PUS1: variants seen among roughly 807,000 people sequenced by gnomAD.
The protein encoded by PUS1 is pseudouridine synthase 1.
A neutral mutation model predicts 38.5 loss-of-function variants in PUS1; 25 were observed. That is an observed-to-expected ratio of 0.65 (90% confidence interval 0.47 to 0.91). PUS1 has a LOEUF of 0.91. Ranked by LOEUF, PUS1 falls within the 40% of genes least tolerant of loss-of-function variation. The probability of loss-of-function intolerance (pLI) is 0.00; values close to 1 mark genes in which losing one functional copy is unlikely to be tolerated. For missense variants in PUS1, 597 were observed against 612.3 expected (o/e 0.97, Z 0.26); for synonymous variants, 282 against 260.4 (o/e 1.08, Z -0.80).
rs1215559539 is a variant in PUS1 at position 131,941,323 on chromosome 12, C to T, written c.576C>T (p.Ser192=). Residue 192 remains serine, a synonymous_variant, in exon 5 of 6, where the codon TCC becomes TCT. Coordinates refer to ENST00000376649, the MANE Select transcript of PUS1 (RefSeq NM_025215.6). This position sits in a 1 kb window ranked among gnomAD's most constrained non-coding sequence, Gnocchi z 4.4. The part of the protein sequence containing the change: ...GLKRVTGGFN[S]KNRCDARTYC... ...AGCGGGTCACGGGCGGGTTTAACTC[C>T]AAGAACAGATGTGATGCCAGGACCT... 2 of 1,614,174 alleles carry T rather than the reference C, an allele frequency of 1.2e-6. No homozygotes were observed. The highest frequency in any genetic ancestry group is 2.2e-5 in the South Asian group (2 of 91,080).
chr12:131,942,060 G>A, intron 5 of PUS1, 77 bp downstream of exon 5: 1 of 1,328,588 alleles, frequency 7.5e-7, no homozygotes, highest in Non-Finnish European at 1.1e-6. Context: ...GTGAGCTGAG[G>A]CACAGAGAAG....
Position 131,929,494 on chromosome 12 carries a change from C to T in PUS1, c.-229C>T, listed in dbSNP as rs921361278. 6.5e-6 allele frequency: 3 copies of T among 458,446 alleles called. No homozygotes were observed. Among genetic ancestry groups the T allele is most frequent in the Non-Finnish European group, 1.2e-5 (3 of 260,234 alleles). 28.4% of individuals were successfully genotyped at this position (458,446 alleles called of 1,614,324 possible). A position where few individuals can be genotyped will look rare whatever the true frequency, so the allele number is the denominator to read the frequency against. On this transcript the variant is annotated 5_prime_UTR_variant, in exon 1 of 6. Transcript: ENST00000376649. Reference sequence around the variant, plus strand: ...GTAGAGACGGGGCTTGGGCGCGGGGCCTGAGAGGTCAGGGGTCAGCAGGAG... The same window carrying T: ...GTAGAGACGGGGCTTGGGCGCGGGGTCTGAGAGGTCAGGGGTCAGCAGGAG...
intron 5 of PUS1, among the ~76,000 whole-genome samples, chr12:131,942,286 G>A (rs765405006): frequency 3.3e-5 from 5 of 152,216 alleles, no homozygotes; most frequent in Non-Finnish European, 7.3e-5. Context: ...GCGGAATGTA[G>A]CTTAGAACCG....
At chr12:131,931,994 G>A (rs563393277) in intron 2 of PUS1, 181 bp from the exon 3 acceptor site, 102 of 695,846 alleles carry the variant, frequency 1.5e-4, no homozygotes, top group Admixed American at 3.6e-4. Flanking sequence ...GGAGCAGCCC[G>A]GCCCCAGGGT....
rs1023565853 is a variant in PUS1, at chr12:131,941,447, A to C, written c.700A>C (p.Arg234=). The C allele has an allele frequency of 2.7e-5, 44 of 1,613,332 alleles. No individual in the cohort carries two copies. The highest frequency in any genetic ancestry group is 3.7e-5 in the Non-Finnish European group (44 of 1,179,290). ...CGCCGAGACGCTGCAGCAGGTCAAC[A>C]GGCTCCTGGCCTGCTACAAGGGCAC... ...LSAETLQQVN[R]LLACYKGTHN... The change falls in exon 5 of 6, where the codon AGG becomes CGG. Residue 234 remains arginine (R), a synonymous_variant. Coordinates refer to ENST00000376649, the MANE Select transcript of PUS1 (RefSeq NM_025215.6). The surrounding 1 kb of genome is among the most constrained non-coding windows in gnomAD (Gnocchi z 4.4).
At chr12:131,940,190 G>A (rs554912532) in intron 4 of PUS1, among the ~76,000 whole-genome samples, 3 of 151,632 alleles carry the variant, frequency 2.0e-5, no homozygotes, top group South Asian at 2.1e-4. Flanking sequence ...CACCACAGCC[G>A]GCTGAATTTT....
intron 3 of PUS1, among the ~76,000 whole-genome samples, chr12:131,934,421 G>A (rs1890737821): frequency 6.6e-6 from 1 of 152,154 alleles, no homozygotes; most frequent in Admixed American, 6.5e-5. Flanking sequence ...CGTGACAGGG[G>A]GCTCACACCC....
Position 131,941,907 on chromosome 12 carries a change from T to C in PUS1, c.1160T>C (p.Met387Thr). 6.2e-7 allele frequency: 1 copy of C among 1,613,318 alleles called. No individual in the cohort carries two copies. Among genetic ancestry groups the C allele is most frequent in the Non-Finnish European group, 8.5e-7 (1 of 1,180,034 alleles). Residue 387 changes from methionine to threonine, a missense_variant, in exon 5 of 6, where the codon ATG (methionine) becomes ACG (threonine). Transcript: ENST00000376649. This position sits in a 1 kb window ranked among gnomAD's most constrained non-coding sequence, Gnocchi z 4.4. The part of the protein sequence containing the change: ...IIGTERDERS[M>T]AQWLSTLPIH... ...GGCACCGAGCGGGACGAACGCTCCA[T>C]GGCCCAGTGGCTGAGCACCTTGCCC... is the stretch of plus-strand genomic sequence containing the variant.
In PUS1 at chr12:131,929,611, AG is replaced by A; in HGVS notation, c.-109del. ...CCGGAGGTCAGGGGTCAGAAGGAACAGGGCTGCAGCGTCAGGGTCCGAGAGG... is the reference window on the plus strand; with the variant it reads ...CCGGAGGTCAGGGGTCAGAAGGAACAGGCTGCAGCGTCAGGGTCCGAGAGG... On this transcript the variant is annotated 5_prime_UTR_variant, in exon 1 of 6. Transcript: ENST00000376649. The A allele has an allele frequency of 1.1e-6, 1 of 894,938 alleles. No individual in the cohort carries two copies. 55.4% of individuals were successfully genotyped at this position (894,938 alleles called of 1,614,324 possible).
chr12:131,931,358 C>A (rs909305420), intron 2 of PUS1, among the ~76,000 whole-genome samples: 4 of 152,006 alleles, frequency 2.6e-5, no homozygotes, highest in Non-Finnish European at 4.4e-5. Context: ...GGGGTTTCAC[C>A]ATGTTGGTCA....
Position 131,943,660 on chromosome 12 carries a change from C to A in PUS1, c.*74C>A. ...TGCCCAGATGTGCCACCCCTGTGGG[C>A]AGCAAGAAGCTGGGATCGCTGCAGC... On this transcript the variant is annotated 3_prime_UTR_variant, in exon 6 of 6. Coordinates refer to ENST00000376649, the MANE Select transcript of PUS1 (RefSeq NM_025215.6). 8.0e-7 allele frequency: 1 copy of A among 1,249,202 alleles called. No homozygotes were observed. The highest frequency in any genetic ancestry group is 1.2e-6 in the Non-Finnish European group (1 of 852,424). 77.4% of individuals were successfully genotyped at this position (1,249,202 alleles called of 1,614,324 possible). A position where few individuals can be genotyped will look rare whatever the true frequency, so the allele number is the denominator to read the frequency against.
At position 131,941,801 on chromosome 12, in the gene PUS1, C is replaced by A; in HGVS notation, c.1054C>A (p.Leu352Met). 6.8e-6 allele frequency: 11 copies of A among 1,613,380 alleles called. No individual in the cohort carries two copies. Among genetic ancestry groups the A allele is most frequent in the Non-Finnish European group, 9.3e-6 (11 of 1,179,406 alleles). Residue 352 changes from leucine (L) to methionine (M), a missense_variant, in exon 5 of 6, where the codon CTG becomes ATG. Leu to Met is a conservative substitution (Grantham distance 15, BLOSUM62 2). Transcript: ENST00000376649. The surrounding 1 kb of genome is among the most constrained non-coding windows in gnomAD (Gnocchi z 4.4). ...CAACCAGCGCTTTGGCAACGATGGG[C>A]TGCATGAGCCGCTGGACTGGGCGCA... The part of the protein sequence containing the change: ...KYNQRFGNDG[L>M]HEPLDWAQEE...
intron 2 of PUS1, among the ~76,000 whole-genome samples, chr12:131,931,181 C>CA (rs1890584801): frequency 6.6e-6 from 1 of 151,854 alleles, no homozygotes; most frequent in South Asian, 2.1e-4. Context: ...TTTTTGGAGA[C>CA]AGAGTCTTGC....
rs566070845 is a variant in PUS1, at chr12:131,941,901, G to A, written c.1154G>A (p.Arg385His). The change falls in exon 5 of 6, where the codon CGC (arginine) becomes CAC (histidine). Residue 385 changes from arginine (R) to histidine (H), a missense_variant. Coordinates refer to ENST00000376649, the MANE Select transcript of PUS1 (RefSeq NM_025215.6). The surrounding 1 kb of genome is among the most constrained non-coding windows in gnomAD (Gnocchi z 4.4). The stretch of plus-strand genomic sequence containing the variant: ...ATCATCGGCACCGAGCGGGACGAAC[G>A]CTCCATGGCCCAGTGGCTGAGCACC... ...PTIIGTERDE[R>H]SMAQWLSTLP... The A allele has an allele frequency of 3.3e-5, 54 of 1,613,402 alleles. No individual in the cohort carries two copies. The highest frequency in any genetic ancestry group is 5.0e-5 in the Admixed American group (3 of 60,024).
intron 3 of PUS1, chr12:131,932,632 G>A: frequency 2.1e-6 from 1 of 478,990 alleles, no homozygotes; most frequent in Non-Finnish European, 3.9e-6. Flanking sequence ...CTCCAATCAG[G>A]CTCACTCTGA....
intron 2 of PUS1, among the ~76,000 whole-genome samples, chr12:131,930,778 C>T (rs1039656527): frequency 6.6e-6 from 1 of 152,152 alleles, no homozygotes; most frequent in Admixed American, 6.5e-5. Flanking sequence ...TGTCCTTGAC[C>T]TCACGGCCTG....
chr12:131,935,786 G>A (rs1405075132), intron 3 of PUS1, among the ~76,000 whole-genome samples: 1 of 152,056 alleles, frequency 6.6e-6, no homozygotes, highest in African/African-American at 2.4e-5. Flanking sequence ...GCCTGCCTCG[G>A]CCTCCCAAAG....
intron 3 of PUS1, among the ~76,000 whole-genome samples, chr12:131,936,157 G>C (rs1163138410): frequency 6.6e-6 from 1 of 151,536 alleles, no homozygotes; most frequent in Non-Finnish European, 1.5e-5. Context: ...GTTGAAGTAA[G>C]CTGAGATGGT....
chr12:131,943,525 G>T lies in PUS1; in HGVS notation c.1237-14G>T. 1 of 1,611,744 alleles carries T rather than the reference G, an allele frequency of 6.2e-7. No individual in the cohort carries two copies. The highest frequency in any genetic ancestry group is 8.5e-7 in the Non-Finnish European group (1 of 1,177,964). ...GTGCTTGCCTCTTATTCTCCATGTG[G>T]TCTTCTTCTGCAGGTGCCCAGTCCC... On this transcript the variant is annotated splice_polypyrimidine_tract_variant and intron_variant, in intron 5 of 5. Coordinates refer to ENST00000376649, the MANE Select transcript of PUS1 (RefSeq NM_025215.6).
Sources: allele counts gnomAD v4.1 joint callset (sites outside exome capture counted in the v4.1 genomes callset), GRCh38; gene constraint gnomAD v4.1.1; non-coding constraint Gnocchi (gnomAD v3.1); transcripts MANE v1.5; gene names NCBI Gene and HGNC (gene_info 2026-07-23, HGNC 2026-07-21).